PTPRN2: variants seen among roughly 807,000 people sequenced by gnomAD.
The protein encoded by PTPRN2 is receptor-type tyrosine-protein phosphatase N2.
In PTPRN2, 74 loss-of-function variants were observed where a neutral mutation model predicts 118.8. The ratio of observed to expected loss-of-function variants is 0.62; its 90% CI spans 0.52 to 0.76. The LOEUF is 0.76. PTPRN2 is among the 30% of genes least tolerant of loss of function. PTPRN2 has a pLI of 0.00. For missense variants in PTPRN2, 1,481 were observed against 1,394.4 expected, an observed-to-expected ratio of 1.06 and a Z score of -0.99; for synonymous variants, 641 against 608.0, an observed-to-expected ratio of 1.05 and a Z score of -0.80.
At chr7:158,541,354 C>A (rs1358830066) in intron 1 of PTPRN2, 36 of 1,166,556 alleles carry the variant, frequency 3.1e-5, no homozygotes, top group South Asian at 2.8e-4. Context: ...CTGAGCCCTA[C>A]AAACCTAACT....
At chr7:157,677,776 C>T (rs968400867) in intron 13 of PTPRN2, among the ~76,000 whole-genome samples, 2 of 152,220 alleles carry the variant, frequency 1.3e-5, no homozygotes, top group African/African-American at 4.8e-5. Flanking sequence ...TGCAGGTTTC[C>T]TTCCGATTTC....
intron 13 of PTPRN2, among the ~76,000 whole-genome samples, chr7:157,673,666 T>A (rs1459772074): frequency 6.6e-6 from 1 of 151,916 alleles, no homozygotes; most frequent in Non-Finnish European, 1.5e-5. Context: ...TCCTGGCCCC[T>A]CTCTCTCTGA....
chr7:158,221,912 A>G (rs1828408040), intron 3 of PTPRN2, among the ~76,000 whole-genome samples: 1 of 152,216 alleles, frequency 6.6e-6, no homozygotes, highest in African/African-American at 2.4e-5. Context: ...AAAAATGGGT[A>G]GGAGACATGA....
chr7:158,271,053 A>C (rs1234691345), intron 3 of PTPRN2, among the ~76,000 whole-genome samples: 273 of 19,088 alleles, frequency 0.014, no homozygotes, highest in South Asian at 0.015. Flanking sequence ...GCCTCCCCCC[A>C]ACCTGGGCCA....
In PTPRN2 at chr7:157,550,345, G is replaced by A. The variant is rs563926302; in HGVS notation, c.2903-1326C>T. 2.9e-4 allele frequency among the ~76,000 whole-genome samples: 44 copies of A among 152,340 alleles called. No individual in the cohort carries two copies. Among genetic ancestry groups the A allele is most frequent in the African/African-American group, 9.4e-4 (39 of 41,570 alleles). On this transcript the variant is annotated intron_variant, in intron 21 of 22. Coordinates refer to ENST00000389418, the MANE Select transcript of PTPRN2 (RefSeq NM_002847.5). This position sits in a 1 kb window ranked among gnomAD's most constrained non-coding sequence, Gnocchi z 5.2. ...GAAGCACCTCCAAGTCAGAACTGCG[G>A]GCAGCTAGGAGGGAACGGCAGGGGT...
chr7:158,422,985 A>G (rs1234166118), intron 2 of PTPRN2, among the ~76,000 whole-genome samples: 4 of 152,352 alleles, frequency 2.6e-5, no homozygotes, highest in South Asian at 2.1e-4. Flanking sequence ...ACGATAGCCA[A>G]TCAGGGCCCA....
At chr7:158,214,440 C>T (rs1827827017) in intron 3 of PTPRN2, among the ~76,000 whole-genome samples, 1 of 149,032 alleles carries the variant, frequency 6.7e-6, no homozygotes, top group Admixed American at 6.7e-5. Flanking sequence ...ACAACTAAAG[C>T]AGCCTCTCTC....
rs187390638 is a variant in PTPRN2 at position 157,705,790 on chromosome 7, A to G, written c.1789-22853T>C. On this transcript the variant is annotated intron_variant, in intron 12 of 22. Coordinates refer to ENST00000389418, the MANE Select transcript of PTPRN2 (RefSeq NM_002847.5). ...TGCCTTCCGGATAAACGCGGACCAT[A>G]TCCCCCAGAATGCTGGGAATTGAAT... 7.3e-4 allele frequency among the ~76,000 whole-genome samples: 110 copies of G among 151,126 alleles called. 3 individuals carry two copies. Among genetic ancestry groups the G allele is most frequent in the South Asian group, 4.2e-3 (20 of 4,728 alleles).
intron 12 of PTPRN2, among the ~76,000 whole-genome samples, chr7:157,688,864 C>T (rs1432234962): frequency 2.6e-5 from 4 of 152,180 alleles, no homozygotes; most frequent in African/African-American, 9.6e-5. Flanking sequence ...CTCGCCGGTT[C>T]ACCGCATCCC....
At chr7:157,921,714 C>T (rs1268030269) in intron 11 of PTPRN2, among the ~76,000 whole-genome samples, 1 of 152,236 alleles carries the variant, frequency 6.6e-6, no homozygotes, top group Non-Finnish European at 1.5e-5. Flanking sequence ...GTAAGAAAGC[C>T]CTTGTCAGAG....
intron 3 of PTPRN2, among the ~76,000 whole-genome samples, chr7:158,290,195 G>GC (rs11418444): frequency 1 from 152,188 of 152,200 alleles, 76,088 homozygotes; most frequent in Middle Eastern, 1. Flanking sequence ...AAAGGGGCTG[G>GC]CTGGCACCAG....
intron 2 of PTPRN2, among the ~76,000 whole-genome samples, chr7:158,327,518 TTCTC>T (rs1282312270): frequency 4.0e-5 from 6 of 151,612 alleles, no homozygotes; most frequent in South Asian, 4.2e-4. Flanking sequence ...CACATGAACA[TTCTC>T]ACACACATGC....
intron 10 of PTPRN2, among the ~76,000 whole-genome samples, chr7:158,098,892 G>A (rs1051264434): frequency 6.6e-6 from 1 of 151,880 alleles, no homozygotes; most frequent in African/African-American, 2.4e-5. Flanking sequence ...GTGACAGTGC[G>A]GGGTGCAGCG....
At chr7:157,983,764 C>T (rs571736892) in intron 11 of PTPRN2, among the ~76,000 whole-genome samples, 1 of 152,358 alleles carries the variant, frequency 6.6e-6, no homozygotes, top group South Asian at 2.1e-4. Flanking sequence ...CATGTGGCTG[C>T]TGGCCCAGGG....
At position 158,584,717 on chromosome 7, in the gene PTPRN2, T is replaced by C. The variant is rs529534691; in HGVS notation, c.112+2841A>G. Among the ~76,000 whole-genome samples the C allele has an allele frequency of 1.2e-4, 19 of 152,316 alleles. No homozygotes were observed. In the South Asian group the frequency reaches 3.5e-3, roughly 28 times the overall value. Reference sequence around the variant, plus strand: ...ACTACCACAGGGTGCTGCCAACAGCTGTTCTGGAAATAAGTCAGCATCGTG... The same window carrying C: ...ACTACCACAGGGTGCTGCCAACAGCCGTTCTGGAAATAAGTCAGCATCGTG... On this transcript the variant is annotated intron_variant, in intron 1 of 22. Coordinates refer to ENST00000389418, the MANE Select transcript of PTPRN2 (RefSeq NM_002847.5).
intron 3 of PTPRN2, among the ~76,000 whole-genome samples, chr7:158,229,250 C>T (rs184309403): frequency 6.6e-6 from 1 of 151,988 alleles, no homozygotes; most frequent in Admixed American, 6.6e-5. Flanking sequence ...AATTATGTGA[C>T]TCTCTAAGCA....
At chr7:157,657,807 A>G (rs1223728607) in intron 13 of PTPRN2, among the ~76,000 whole-genome samples, 2 of 99,682 alleles carry the variant, frequency 2.0e-5, no homozygotes, top group African/African-American at 7.4e-5. Context: ...CACACACACC[A>G]CACACATCAC....
At chr7:157,931,471 G>T (rs918393521) in intron 11 of PTPRN2, among the ~76,000 whole-genome samples, 6 of 152,214 alleles carry the variant, frequency 3.9e-5, no homozygotes, top group African/African-American at 1.4e-4. Context: ...CCGATCACAC[G>T]CTGAGTAGGC....
intron 3 of PTPRN2, among the ~76,000 whole-genome samples, chr7:158,285,761 G>A (rs534840817): frequency 4.2e-4 from 64 of 152,220 alleles, no homozygotes; most frequent in African/African-American, 1.3e-3. Flanking sequence ...CAGCTACACC[G>A]GCTAACTCCG....
Sources: gnomAD v4.1 joint callset for allele counts (sites outside exome capture counted in the v4.1 genomes callset) on GRCh38, gnomAD v4.1.1 for gene constraint, Gnocchi (gnomAD v3.1) non-coding constraint, MANE v1.5 for transcripts, NCBI Gene and HGNC (gene_info 2026-07-23, HGNC 2026-07-21) for gene names.